ADGRG2: variants seen among roughly 807,000 people sequenced by gnomAD.
The protein encoded by ADGRG2 is adhesion G protein-coupled receptor G2.
In ADGRG2, 26 loss-of-function variants were observed where a neutral mutation model predicts 74.1. The ratio of observed to expected loss-of-function variants is 0.35; its 90% CI spans 0.26 to 0.49. The LOEUF is 0.49. ADGRG2 is among the 20% of genes least tolerant of loss of function. The pLI, the probability that ADGRG2 is intolerant of heterozygous loss-of-function variation, is 0.99. For synonymous variants in ADGRG2, 296 were observed against 295.2 expected (o/e 1.00, Z -0.03); for missense variants, 619 against 763.1 (o/e 0.81, Z 2.22).
intron 1 of ADGRG2, among the ~76,000 whole-genome samples, chrX:19,112,225 C>T (rs1457356983): frequency 1.8e-5 from 2 of 110,410 alleles, no homozygotes; most frequent in African/African-American, 3.3e-5. Context: ...GCACATACCA[C>T]CATGCCTGGC....
intron 3 of ADGRG2, among the ~76,000 whole-genome samples, chrX:19,066,445 C>CTT (rs1225489257): frequency 0.019 from 741 of 39,951 alleles, 192 homozygotes; most frequent in African/African-American, 0.059. Flanking sequence ...GAGGATGCTT[C>CTT]TTTTTTTTTT....
intron 15 of ADGRG2, among the ~76,000 whole-genome samples, chrX:19,016,198 A>G (rs1320788622): frequency 1.8e-5 from 2 of 112,603 alleles, no homozygotes; most frequent in Admixed American, 9.4e-5. Context: ...CATAAAGTGT[A>G]CTAATCTTAG....
chrX:19,021,348 T>C (rs768320035), intron 13 of ADGRG2, 150 bp from the exon 14 acceptor site: 2 of 503,911 alleles, frequency 4.0e-6, no homozygotes, highest in Non-Finnish European at 7.1e-6. Context: ...AAATACCCAT[T>C]TACCACGGTC....
intron 15 of ADGRG2, among the ~76,000 whole-genome samples, chrX:19,016,838 T>C (rs2060482050): frequency 9.2e-6 from 1 of 108,206 alleles, no homozygotes; most frequent in Non-Finnish European, 1.9e-5. Context: ...TGACCCCTCC[T>C]ACCTCAGTCT....
intron 3 of ADGRG2, among the ~76,000 whole-genome samples, chrX:19,058,604 G>T (rs2061438735): frequency 8.9e-6 from 1 of 111,794 alleles, no homozygotes; most frequent in African/African-American, 3.2e-5. Flanking sequence ...ACTCTATGCT[G>T]TACTAAATAC....
intron 4 of ADGRG2, among the ~76,000 whole-genome samples, chrX:19,037,906 G>A (rs774481109): frequency 8.9e-6 from 1 of 111,783 alleles, no homozygotes; most frequent in South Asian, 3.7e-4. Context: ...ATAAGATTAG[G>A]AACCAGACCA....
intron 1 of ADGRG2, among the ~76,000 whole-genome samples, chrX:19,100,665 T>C (rs2062172332): frequency 8.8e-6 from 1 of 113,589 alleles, no homozygotes; most frequent in Non-Finnish European, 1.9e-5. Flanking sequence ...AGGCAGAAGT[T>C]TTGTCTGCTT....
Position 19,046,722 on chromosome X carries a change from T to C in ADGRG2, c.119-6498A>G, listed in dbSNP as rs180909398. 5.4e-5 allele frequency among the ~76,000 whole-genome samples: 6 copies of C among 111,433 alleles called. No individual in the cohort carries two copies. In the Admixed American group the frequency reaches 5.7e-4, roughly 11 times the overall value. Reference sequence around the variant, plus strand: ...AAAGGGGGGAGGTAATATTACCAGATACCGATGAACAGAGCCACAAGGCAG... The same window carrying C: ...AAAGGGGGGAGGTAATATTACCAGACACCGATGAACAGAGCCACAAGGCAG... On this transcript the variant is annotated intron_variant, in intron 3 of 28. Transcript: ENST00000379869.
At chrX:19,091,341 T>G (rs1224003740) in intron 1 of ADGRG2, among the ~76,000 whole-genome samples, 1 of 109,931 alleles carries the variant, frequency 9.1e-6, no homozygotes, top group Non-Finnish European at 1.9e-5. Flanking sequence ...GCATGGAAAA[T>G]GAATAGGAGG....
chrX:19,070,663 G>A (rs1014752590), intron 2 of ADGRG2, among the ~76,000 whole-genome samples: 2 of 112,208 alleles, frequency 1.8e-5, no homozygotes, highest in African/African-American at 6.5e-5. Flanking sequence ...CAGGCTGTGT[G>A]TCCTCAGCTA....
chrX:19,038,965 C>T (rs2061000469), intron 4 of ADGRG2, among the ~76,000 whole-genome samples: 1 of 111,971 alleles, frequency 8.9e-6, no homozygotes, highest in South Asian at 3.7e-4. Context: ...GCCTGCAGTC[C>T]TGGGTTTGAA....
intron 1 of ADGRG2, among the ~76,000 whole-genome samples, chrX:19,113,790 C>T (rs969191004): frequency 2.7e-5 from 3 of 111,817 alleles, no homozygotes; most frequent in African/African-American, 9.8e-5. Context: ...ACGTTAAGGC[C>T]GGGTGCGGTG....
chrX:19,112,005 C>T (rs2062420958), intron 1 of ADGRG2, among the ~76,000 whole-genome samples: 1 of 110,332 alleles, frequency 9.1e-6, no homozygotes, highest in African/African-American at 3.3e-5. Context: ...TTATTATTTT[C>T]AACCATATTA....
intron 21 of ADGRG2, 50 bp downstream of exon 21, chrX:19,006,169 CT>C: frequency 9.0e-7 from 1 of 1,114,425 alleles, no homozygotes; most frequent in Non-Finnish European, 1.2e-6. Flanking sequence ...ACTTCACACC[CT>C]CCCCAATTAA....
chrX:19,004,202 C>A (rs188341014), intron 23 of ADGRG2, among the ~76,000 whole-genome samples: 1 of 111,998 alleles, frequency 8.9e-6, no homozygotes, highest in Non-Finnish European at 1.9e-5. Flanking sequence ...TGGAATTACC[C>A]CCAAAAAGCA....
intron 3 of ADGRG2, among the ~76,000 whole-genome samples, chrX:19,065,688 T>C (rs1351311857): frequency 8.9e-6 from 1 of 111,918 alleles, no homozygotes; most frequent in East Asian, 2.8e-4. Context: ...AACGTGAGAC[T>C]GAAGATCTAG....
chrX:19,092,614 G>A (rs758040810), intron 1 of ADGRG2, among the ~76,000 whole-genome samples: 8 of 111,337 alleles, frequency 7.2e-5, no homozygotes, highest in Non-Finnish European at 1.5e-4. Context: ...AGCTCCAAGT[G>A]GGGTATGCAC....
At position 19,121,678 on chromosome X, in the gene ADGRG2, T is replaced by C. The variant is rs999130352; in HGVS notation, c.-47+764A>G. ...CGGCCCCCACCCCAGACCTGCGGGA[T>C]CAGAATCTCATTTTAACGGGATCCC... On this transcript the variant is annotated intron_variant, in intron 1 of 28. Coordinates refer to ENST00000379869, the MANE Select transcript of ADGRG2 (RefSeq NM_001079858.3). 4.5e-5 allele frequency among the ~76,000 whole-genome samples: 5 copies of C among 109,976 alleles called. 1 individual carries two copies. Among genetic ancestry groups the C allele is most frequent in the Non-Finnish European group, 7.6e-5 (4 of 52,625 alleles).
intron 3 of ADGRG2, among the ~76,000 whole-genome samples, chrX:19,047,366 A>C (rs769154241): frequency 1.8e-5 from 2 of 111,165 alleles, no homozygotes; most frequent in East Asian, 5.7e-4. Context: ...CAAATAAACT[A>C]CCTGCACCAA....
Sources: gnomAD v4.1 joint callset for allele counts (sites outside exome capture counted in the v4.1 genomes callset) on GRCh38, gnomAD v4.1.1 for gene constraint, MANE v1.5 for transcripts, NCBI Gene and HGNC (gene_info 2026-07-23, HGNC 2026-07-21) for gene names.